Variants in EPC2 observed in about 807,000 individuals in gnomAD.
EPC2 encodes enhancer of polycomb homolog 2.
EPC2 carries 14 observed loss-of-function variants against 92.1 expected under a neutral mutation model. The observed-to-expected ratio is 0.15, with a 90% CI of 0.10 to 0.24. EPC2 has a LOEUF of 0.24. Among genes scored for constraint, EPC2 ranks in the 10% least tolerant of loss-of-function variants. The pLI is 1.00. For synonymous variants in EPC2, 340 were observed against 334.7 expected (o/e 1.02, Z -0.17); for missense variants, 755 against 971.5 (o/e 0.78, Z 2.96).
chr2:148,673,294 C>A (rs1681193188), intron 1 of EPC2, among the ~76,000 whole-genome samples: 1 of 152,174 alleles, frequency 6.6e-6, no homozygotes, highest in Admixed American at 6.5e-5. Flanking sequence ...CCTTCTCTCT[C>A]TAACCTTCTT....
At chr2:148,691,581 T>A (rs763429298) in intron 2 of EPC2, 29 of 1,550,436 alleles carry the variant, frequency 1.9e-5, no homozygotes, top group African/African-American at 4.1e-5. Flanking sequence ...AGGATTGAAG[T>A]CTTGTTCTTC....
chr2:148,715,278 C>T (rs952943795), intron 2 of EPC2, among the ~76,000 whole-genome samples: 6 of 152,120 alleles, frequency 3.9e-5, no homozygotes, highest in African/African-American at 1.4e-4. Context: ...TGTGGTCTGC[C>T]CACCTCGGCC....
At position 148,656,025 on chromosome 2, in the gene EPC2, G is replaced by GTGTGTGTGTGTGT. The variant is rs551078218; in HGVS notation, c.153+10855_153+10856insTGTGTGTGTGTGT. On this transcript the variant is annotated intron_variant, in intron 1 of 13. Coordinates refer to ENST00000258484, the MANE Select transcript of EPC2 (RefSeq NM_015630.4). ...GCTGTGTGTGTGTGTGTGTGTGTGT[G>GTGTGTGTGTGTGT]GGGGGGGGGGGGGTTATTCTAGAAA... 2.9e-5 allele frequency among the ~76,000 whole-genome samples: 3 copies of GTGTGTGTGTGTGT among 103,144 alleles called. No homozygotes were observed. In the Admixed American group the frequency reaches 3.2e-4, roughly 11 times the overall value. 67.7% of individuals were successfully genotyped at this position (103,144 alleles called of 152,430 possible). A position where few individuals can be genotyped will look rare whatever the true frequency, so the allele number is the denominator to read the frequency against.
intron 4 of EPC2, among the ~76,000 whole-genome samples, chr2:148,760,680 CTT>C (rs1326920380): frequency 6.6e-6 from 1 of 152,120 alleles, no homozygotes; most frequent in Non-Finnish European, 1.5e-5. Context: ...AAAAGGATGA[CTT>C]ATTTTTAATA....
chr2:148,769,103 AT>A (rs2105429350), intron 7 of EPC2, 47 bp from the exon 8 acceptor site: 1 of 1,200,420 alleles, frequency 8.3e-7, no homozygotes, highest in South Asian at 1.3e-5. Flanking sequence ...ACAAACATTG[AT>A]CTATTGACTT....
At position 148,786,327 on chromosome 2, in the gene EPC2, T is replaced by C. The variant is rs776570584; in HGVS notation, c.2374T>C (p.Leu792=). 3 of 1,611,878 alleles carry C rather than the reference T, an allele frequency of 1.9e-6. No individual in the cohort carries two copies. In the Admixed American group the frequency reaches 5.0e-5, roughly 27 times the overall value. The change falls in exon 14 of 14, where the codon TTG becomes CTG. Residue 792 remains leucine, a synonymous_variant. Transcript: ENST00000258484. ...IARENHEPER[L]GLNGIAETTV... ...TAGAGAGAACCACGAACCAGAAAGATTGGGCTTAAATGGAATAGCAGAGAC... is the reference window on the plus strand; with the variant it reads ...TAGAGAGAACCACGAACCAGAAAGACTGGGCTTAAATGGAATAGCAGAGAC...
chr2:148,719,780 T>TCC (rs1344726246), intron 2 of EPC2, among the ~76,000 whole-genome samples: 1 of 152,208 alleles, frequency 6.6e-6, no homozygotes, highest in Non-Finnish European at 1.5e-5. Flanking sequence ...GTGTTGGTGA[T>TCC]CCCTTTAGCC....
rs778065592 is a variant in EPC2, at chr2:148,770,857, G to A, written c.1296G>A (p.Arg432=). The part of the protein sequence containing the change: ...NSELADLDKL[R]YRHCLTTLTV... ...AATTGGCAGATTTGGATAAGTTGAGGTATAGGCATTGCCTTACAACACTTA... is the reference window on the plus strand; with the variant it reads ...AATTGGCAGATTTGGATAAGTTGAGATATAGGCATTGCCTTACAACACTTA... The change falls in exon 9 of 14, where the codon AGG becomes AGA. Residue 432 remains arginine, a synonymous_variant. Transcript: ENST00000258484. The A allele has an allele frequency of 6.3e-5, 101 of 1,613,864 alleles. No homozygotes were observed. The highest frequency in any genetic ancestry group is 8.5e-5 in the Non-Finnish European group (100 of 1,179,854).
intron 2 of EPC2, among the ~76,000 whole-genome samples, chr2:148,733,883 C>A (rs896734524): frequency 2.0e-5 from 3 of 152,160 alleles, no homozygotes; most frequent in Admixed American, 2.0e-4. Flanking sequence ...CAAAAACAAG[C>A]TGCAGGCCAG....
At chr2:148,701,706 C>A (rs1427122231) in intron 2 of EPC2, among the ~76,000 whole-genome samples, 1 of 152,036 alleles carries the variant, frequency 6.6e-6, no homozygotes, top group Non-Finnish European at 1.5e-5. Context: ...CTTGTAATAT[C>A]TTTTTCTGCT....
At chr2:148,735,784 TAATATC>T (rs962431599) in intron 2 of EPC2, among the ~76,000 whole-genome samples, 2 of 152,052 alleles carry the variant, frequency 1.3e-5, no homozygotes, top group African/African-American at 4.8e-5. Context: ...ATCGTTTTCT[TAATATC>T]ATCAAATATT....
chr2:148,763,228 T>C (rs1683335436), intron 6 of EPC2, among the ~76,000 whole-genome samples: 1 of 152,148 alleles, frequency 6.6e-6, no homozygotes, highest in Non-Finnish European at 1.5e-5. Context: ...ATTATTATTG[T>C]CATCATCATT....
chr2:148,757,320 G>C (rs1161615459), intron 4 of EPC2, among the ~76,000 whole-genome samples: 2 of 152,178 alleles, frequency 1.3e-5, no homozygotes, highest in Non-Finnish European at 2.9e-5. Flanking sequence ...AGGTTGCAGT[G>C]AGCCGAGATC....
intron 7 of EPC2, among the ~76,000 whole-genome samples, chr2:148,767,330 A>G (rs1010013402): frequency 6.6e-6 from 1 of 152,174 alleles, no homozygotes; most frequent in Admixed American, 6.5e-5. Flanking sequence ...CTCATGCATT[A>G]AGGGATCTTC....
chr2:148,697,642 A>G (rs982342276), intron 2 of EPC2, among the ~76,000 whole-genome samples: 13 of 152,312 alleles, frequency 8.5e-5, no homozygotes, highest in African/African-American at 3.1e-4. Flanking sequence ...TTATAAATCA[A>G]AGACATTAGA....
At chr2:148,709,586 CTT>C (rs1682086667) in intron 2 of EPC2, among the ~76,000 whole-genome samples, 1 of 152,190 alleles carries the variant, frequency 6.6e-6, no homozygotes, top group Non-Finnish European at 1.5e-5. Flanking sequence ...CACTACCTGA[CTT>C]CAAACTATAC....
At position 148,676,079 on chromosome 2, in the gene EPC2, C is replaced by T. The variant is rs571323968; in HGVS notation, c.154-14135C>T. Among the ~76,000 whole-genome samples, 73 of 151,916 alleles carry T rather than the reference C, an allele frequency of 4.8e-4. 3 individuals carry two copies. The South Asian group carries it at 0.01, about 22-fold the overall frequency. On this transcript the variant is annotated intron_variant, in intron 1 of 13. Coordinates refer to ENST00000258484, the MANE Select transcript of EPC2 (RefSeq NM_015630.4). ...ACAACAACAATAACATACTACTTCTCTGCATCTTGGTACTCATTGTGTATG... is the reference window on the plus strand; with the variant it reads ...ACAACAACAATAACATACTACTTCTTTGCATCTTGGTACTCATTGTGTATG...
In EPC2 at chr2:148,685,557, G is replaced by A. The variant is rs188295497; in HGVS notation, c.154-4657G>A. 6.8e-3 allele frequency among the ~76,000 whole-genome samples: 1,033 copies of A among 152,274 alleles called. 6 individuals carry two copies. The highest frequency in any genetic ancestry group is 0.023 in the African/African-American group (969 of 41,544). ...GGGCAGATCACGAGGTCAGGAGATC[G>A]AGACCATCCTGGCTAACACGGTGAA... On this transcript the variant is annotated intron_variant, in intron 1 of 13. Coordinates refer to ENST00000258484, the MANE Select transcript of EPC2 (RefSeq NM_015630.4).
At chr2:148,776,856 C>CTTTT (rs56073706) in intron 10 of EPC2, among the ~76,000 whole-genome samples, 7 of 101,042 alleles carry the variant, frequency 6.9e-5, no homozygotes, top group South Asian at 4.0e-4. Context: ...GTCTCTCTCT[C>CTTTT]TTTTTTTTTT....
Sources: allele counts gnomAD v4.1 joint callset (sites outside exome capture counted in the v4.1 genomes callset), GRCh38; gene constraint gnomAD v4.1.1; transcripts MANE v1.5; gene names NCBI Gene and HGNC (gene_info 2026-07-23, HGNC 2026-07-21).